MEIKIN: variants seen among roughly 807,000 people sequenced by gnomAD.
MEIKIN encodes meiosis-specific kinetochore protein.
At chr5:131,907,987 T>C (rs1218883611) in intron 8 of MEIKIN, among the ~76,000 whole-genome samples, 4 of 152,160 alleles carry the variant, frequency 2.6e-5, no homozygotes, top group Non-Finnish European at 4.4e-5. Context: ...GACTTCACTG[T>C]TGAATTCTAC....
chr5:131,807,073 T>C lies in MEIKIN; in HGVS notation c.*163A>G. On this transcript the variant is annotated 3_prime_UTR_variant, in exon 13 of 13. Transcript: ENST00000442687. ...TTTTTCTTAACTGATTAAAAGTAAA[T>C]GACAAGAACCTCAGTAGAATTTCAA... is the stretch of plus-strand genomic sequence containing the variant. The C allele has an allele frequency of 2.6e-6, 1 of 391,338 alleles. No homozygotes were observed. Among genetic ancestry groups the C allele is most frequent in the Non-Finnish European group, 4.5e-6 (1 of 222,154 alleles). The allele number at this position is 391,338 out of a possible 1,614,324, so 24.2% of individuals were successfully genotyped here. A position where few individuals can be genotyped will look rare whatever the true frequency, so the allele number is the denominator to read the frequency against.
At chr5:131,880,626 C>A (rs576247280) in intron 8 of MEIKIN, among the ~76,000 whole-genome samples, 8 of 152,220 alleles carry the variant, frequency 5.3e-5, no homozygotes, top group Non-Finnish European at 1.2e-4. Context: ...TTTCAATTCA[C>A]CTCCCTCTGC....
At chr5:131,885,581 G>A (rs147656012) in intron 8 of MEIKIN, among the ~76,000 whole-genome samples, 17 of 152,228 alleles carry the variant, frequency 1.1e-4, no homozygotes, top group South Asian at 2.1e-4. Flanking sequence ...TTTGGGTGCC[G>A]CCTAATGAAG....
intron 11 of MEIKIN, among the ~76,000 whole-genome samples, chr5:131,849,413 C>A (rs1750072908): frequency 8.4e-6 from 1 of 119,114 alleles, no homozygotes; most frequent in Admixed American, 8.7e-5. Flanking sequence ...TATAAAGAAA[C>A]CTCTTTTCTT....
intron 9 of MEIKIN, among the ~76,000 whole-genome samples, chr5:131,875,119 A>C (rs1750588667): frequency 6.6e-6 from 1 of 152,232 alleles, no homozygotes; most frequent in African/African-American, 2.4e-5. Flanking sequence ...CTCCGATTCA[A>C]CATAGTGTTG....
chr5:131,829,187 T>C (rs1017719007), intron 11 of MEIKIN, among the ~76,000 whole-genome samples: 4 of 152,220 alleles, frequency 2.6e-5, no homozygotes, highest in Non-Finnish European at 5.9e-5. Context: ...AATAAAGTTA[T>C]GCTGAAAAAA....
intron 12 of MEIKIN, among the ~76,000 whole-genome samples, chr5:131,814,701 A>T (rs997731881): frequency 3.3e-5 from 5 of 152,202 alleles, no homozygotes; most frequent in African/African-American, 1.2e-4. Flanking sequence ...TGAATATAGG[A>T]TAATCAAGTC....
chr5:131,932,001 C>T lies in MEIKIN; in HGVS notation c.478+1512G>A, dbSNP rs867476023. Among the ~76,000 whole-genome samples, 76 of 152,242 alleles carry T rather than the reference C, an allele frequency of 5.0e-4. No individual in the cohort carries two copies. The Middle Eastern group carries it at 0.01, about 20-fold the overall frequency. ...TTGGCTTCACTGTAGGGTCTTCCAC[C>T]TGGTCAGTTTCATTGAGGACTCCTG... On this transcript the variant is annotated intron_variant, in intron 5 of 12. Transcript: ENST00000442687.
chr5:131,900,858 G>A (rs942140489), intron 8 of MEIKIN, among the ~76,000 whole-genome samples: 1 of 152,126 alleles, frequency 6.6e-6, no homozygotes, highest in Non-Finnish European at 1.5e-5. Flanking sequence ...AGACACTGTG[G>A]ATGTACGCCA....
chr5:131,930,892 C>T (rs1428674579), intron 5 of MEIKIN, among the ~76,000 whole-genome samples: 1 of 152,116 alleles, frequency 6.6e-6, no homozygotes, highest in Non-Finnish European at 1.5e-5. Context: ...ATGTATTGTT[C>T]TCAACTTGTT....
rs183778032 is a variant in MEIKIN at position 131,874,531 on chromosome 5, A to T, written c.774+4447T>A. On this transcript the variant is annotated intron_variant, in intron 9 of 12. Transcript: ENST00000442687. ...AGCTTACCAACGAAAAAAGTCCAGGACCAGATGGATTCACAGCCGAATTCT... is the reference window on the plus strand; with the variant it reads ...AGCTTACCAACGAAAAAAGTCCAGGTCCAGATGGATTCACAGCCGAATTCT... Among the ~76,000 whole-genome samples, 478 of 152,314 alleles carry T rather than the reference A, an allele frequency of 3.1e-3. 3 individuals carry two copies. The highest frequency in any genetic ancestry group is 0.011 in the African/African-American group (455 of 41,560).
At chr5:131,939,963 T>A in intron 4 of MEIKIN, among the ~76,000 whole-genome samples, 1 of 152,246 alleles carries the variant, frequency 6.6e-6, no homozygotes, top group East Asian at 1.9e-4. Context: ...GACAATTATT[T>A]GAACCTGTAT....
At chr5:131,902,009 A>G (rs540865704) in intron 8 of MEIKIN, among the ~76,000 whole-genome samples, 1 of 152,312 alleles carries the variant, frequency 6.6e-6, no homozygotes, top group South Asian at 2.1e-4. Flanking sequence ...TGCTGTTATC[A>G]TGATAGTGAG....
chr5:131,930,625 C>A (rs963688450), intron 5 of MEIKIN, among the ~76,000 whole-genome samples: 3 of 151,894 alleles, frequency 2.0e-5, no homozygotes, highest in African/African-American at 7.3e-5. Flanking sequence ...CTGAATTTTT[C>A]TTTTATTCTT....
intron 8 of MEIKIN, among the ~76,000 whole-genome samples, chr5:131,902,576 T>C (rs1043760950): frequency 6.6e-6 from 1 of 152,166 alleles, no homozygotes; most frequent in African/African-American, 2.4e-5. Context: ...TGCAGAACCA[T>C]GAGCCAATTA....
chr5:131,820,177 T>C (rs1749470658), intron 11 of MEIKIN, among the ~76,000 whole-genome samples: 1 of 151,326 alleles, frequency 6.6e-6, no homozygotes, highest in African/African-American at 2.4e-5. Flanking sequence ...GTCCAAGTGA[T>C]TCTCCTGCCT....
At chr5:131,927,337 G>T (rs1018386610) in intron 5 of MEIKIN, among the ~76,000 whole-genome samples, 1 of 152,068 alleles carries the variant, frequency 6.6e-6, no homozygotes, top group African/African-American at 2.4e-5. Flanking sequence ...AAAGATACTT[G>T]GTATGTTTTC....
intron 9 of MEIKIN, among the ~76,000 whole-genome samples, chr5:131,862,585 G>A (rs1160153727): frequency 6.6e-6 from 1 of 152,074 alleles, no homozygotes; most frequent in Admixed American, 6.5e-5. Context: ...ATTTACATAA[G>A]CACATACTAC....
At chr5:131,816,019 T>G (rs1773093934) in intron 12 of MEIKIN, among the ~76,000 whole-genome samples, 1 of 152,244 alleles carries the variant, frequency 6.6e-6, no homozygotes, top group Non-Finnish European at 1.5e-5. Flanking sequence ...AATAGTTAAC[T>G]TTATATCACA....
Sources: gnomAD v4.1 joint callset for allele counts (sites outside exome capture counted in the v4.1 genomes callset) on GRCh38, gnomAD v4.1.1 for gene constraint, MANE v1.5 for transcripts, NCBI Gene and HGNC (gene_info 2026-07-23, HGNC 2026-07-21) for gene names.